Variants in FRAS1 observed in about 807,000 individuals in gnomAD.
The protein encoded by FRAS1 is extracellular matrix organizing protein FRAS1.
A neutral mutation model predicts 435.2 loss-of-function variants in FRAS1; 290 were observed. The ratio of observed to expected loss-of-function variants is 0.67; its 90% CI spans 0.61 to 0.73. The LOEUF is 0.73. FRAS1 is among the 30% of genes least tolerant of loss of function. The pLI is 0.00. For missense variants in FRAS1, 4,860 were observed against 5,001.5 expected (o/e 0.97, Z 0.85); for synonymous variants, 1,800 against 1,851.0 (o/e 0.97, Z 0.71).
At chr4:78,357,788 A>G (rs1730917312) in intron 20 of FRAS1, among the ~76,000 whole-genome samples, 1 of 152,204 alleles carries the variant, frequency 6.6e-6, no homozygotes. Context: ...CTATAGGTCC[A>G]GCTACTCAAG....
Position 78,507,531 on chromosome 4 carries a change from G to A in FRAS1, c.9427G>A (p.Gly3143Arg), listed in dbSNP as rs1448496261. 2 of 1,612,252 alleles carry A rather than the reference G, an allele frequency of 1.2e-6. No homozygotes were observed. The highest frequency in any genetic ancestry group is 3.3e-5 in the Admixed American group (2 of 59,740). ...AGATGACCCAGTGGAAGCAGTTCTT[G>A]GGGATGTGACTACTGCCACGGTGAC... is the stretch of plus-strand genomic sequence containing the variant. Reference protein sequence around the residue: ...GPDDPVEAVLGDVTTATVTIL... With the variant: ...GPDDPVEAVLRDVTTATVTIL... The change falls in exon 62 of 74, where the codon GGG becomes AGG. Residue 3143 changes from glycine (G) to arginine (R), a missense_variant. By Grantham distance (125) the Gly-to-Arg change is moderately radical (BLOSUM62 -2). Coordinates refer to ENST00000512123, the MANE Select transcript of FRAS1 (RefSeq NM_025074.7).
chr4:78,446,713 T>G lies in FRAS1; in HGVS notation c.5857-14T>G, dbSNP rs1718842261. On this transcript the variant is annotated splice_polypyrimidine_tract_variant and intron_variant, in intron 42 of 73. Coordinates refer to ENST00000512123, the MANE Select transcript of FRAS1 (RefSeq NM_025074.7). ...AATATCTGTGTGAGATCTAATAGTTTATGCTTTAATCAGAGGAAGAACGAT... is the reference window on the plus strand; with the variant it reads ...AATATCTGTGTGAGATCTAATAGTTGATGCTTTAATCAGAGGAAGAACGAT... The G allele has an allele frequency of 6.2e-7, 1 of 1,609,508 alleles. No homozygotes were observed. Among genetic ancestry groups the G allele is most frequent in the Admixed American group, 1.7e-5 (1 of 58,964 alleles).
intron 2 of FRAS1, among the ~76,000 whole-genome samples, chr4:78,121,651 C>A (rs1213742623): frequency 1.3e-5 from 2 of 152,206 alleles, no homozygotes; most frequent in African/African-American, 2.4e-5. Flanking sequence ...TGCTACTCTT[C>A]AGATGTATTA....
chr4:78,306,957 C>T (rs904042140), intron 14 of FRAS1, among the ~76,000 whole-genome samples: 1 of 152,206 alleles, frequency 6.6e-6, no homozygotes, highest in African/African-American at 2.4e-5. Flanking sequence ...TTTAGAGTTT[C>T]CAGTTTTTCT....
intron 2 of FRAS1, among the ~76,000 whole-genome samples, chr4:78,236,741 A>G (rs1208527909): frequency 1.3e-5 from 2 of 152,192 alleles, no homozygotes; most frequent in Non-Finnish European, 2.9e-5. Context: ...AGAAATAGGG[A>G]AGGAATTTCT....
chr4:78,066,864 T>G (rs1245700832), intron 2 of FRAS1, among the ~76,000 whole-genome samples: 1 of 152,184 alleles, frequency 6.6e-6, no homozygotes, highest in Non-Finnish European at 1.5e-5. Context: ...TATCTTAGAG[T>G]CTAGATAACT....
intron 23 of FRAS1, 54 bp from the exon 24 acceptor site, chr4:78,372,664 T>G: frequency 1.9e-6 from 3 of 1,602,332 alleles, no homozygotes; most frequent in Non-Finnish European, 2.6e-6. Flanking sequence ...AATGAACTGC[T>G]GGGTCTGAGG....
At position 78,439,068 on chromosome 4, in the gene FRAS1, A is replaced by G; in HGVS notation, c.5529+4A>G. ...TGCTTTTGCTGACCTTATCACGGTA[A>G]ACAATTCTCAGATCAATAAACAGTG... is the stretch of plus-strand genomic sequence containing the variant. On this transcript the variant is annotated splice_donor_region_variant and intron_variant, in intron 40 of 73. Coordinates refer to ENST00000512123, the MANE Select transcript of FRAS1 (RefSeq NM_025074.7). 1 of 1,610,562 alleles carries G rather than the reference A, an allele frequency of 6.2e-7. No individual in the cohort carries two copies. Among genetic ancestry groups the G allele is most frequent in the Non-Finnish European group, 8.5e-7 (1 of 1,177,756 alleles).
At chr4:78,265,695 C>T (rs563005539) in intron 7 of FRAS1, among the ~76,000 whole-genome samples, 13 of 152,324 alleles carry the variant, frequency 8.5e-5, no homozygotes, top group African/African-American at 2.9e-4. Flanking sequence ...AGTGAATGTT[C>T]TGTCTTGGGA....
intron 20 of FRAS1, among the ~76,000 whole-genome samples, chr4:78,355,265 G>A (rs441064): frequency 0.073 from 10,087 of 138,610 alleles, 622 homozygotes; most frequent in African/African-American, 0.17. Flanking sequence ...TTAGCAAGGA[G>A]GTACATATAC....
chr4:78,089,104 A>C (rs1741364384), intron 2 of FRAS1, among the ~76,000 whole-genome samples: 1 of 152,142 alleles, frequency 6.6e-6, no homozygotes, highest in African/African-American at 2.4e-5. Flanking sequence ...CAGCCATAAA[A>C]AATGATGAGT....
At chr4:78,408,882 G>A (rs572370794) in intron 31 of FRAS1, among the ~76,000 whole-genome samples, 17 of 152,064 alleles carry the variant, frequency 1.1e-4, no homozygotes, top group Admixed American at 7.9e-4. Flanking sequence ...TCAACACCTC[G>A]GGAGGCCAAG....
At chr4:78,536,594 T>C (rs1465438862) in intron 71 of FRAS1, among the ~76,000 whole-genome samples, 2 of 152,198 alleles carry the variant, frequency 1.3e-5, no homozygotes, top group Non-Finnish European at 2.9e-5. Context: ...ATGAGAGGAC[T>C]TGGTACAGTA....
intron 3 of FRAS1, among the ~76,000 whole-genome samples, chr4:78,240,244 C>T (rs567432120): frequency 3.3e-5 from 5 of 152,216 alleles, no homozygotes; most frequent in African/African-American, 1.2e-4. Context: ...AAAAGTATCT[C>T]TGGTTTTTCA....
At position 78,077,104 on chromosome 4, in the gene FRAS1, C is replaced by G. The variant is rs535094737; in HGVS notation, c.108+11088C>G. Among the ~76,000 whole-genome samples the G allele has an allele frequency of 4.6e-4, 70 of 152,266 alleles. 1 individual carries two copies. The highest frequency in any genetic ancestry group is 3.4e-3 in the Middle Eastern group (1 of 294). ...TGGTGCCTCACACCTATAATGCCAG[C>G]ATTTTGGAAGGATGAGGCAGGAGGA... On this transcript the variant is annotated intron_variant, in intron 2 of 73. Coordinates refer to ENST00000512123, the MANE Select transcript of FRAS1 (RefSeq NM_025074.7).
intron 70 of FRAS1, among the ~76,000 whole-genome samples, chr4:78,530,659 C>T (rs1454081931): frequency 3.9e-5 from 6 of 152,036 alleles, no homozygotes; most frequent in African/African-American, 1.2e-4. Context: ...AGATGTGTGG[C>T]GTGATTACTG....
At chr4:78,374,782 A>C (rs1298355925) in intron 25 of FRAS1, among the ~76,000 whole-genome samples, 1 of 152,142 alleles carries the variant, frequency 6.6e-6, no homozygotes, top group East Asian at 1.9e-4. Flanking sequence ...ATCTATCAAA[A>C]CTTGGTTCGT....
chr4:78,534,091 G>T (rs1031627225), intron 70 of FRAS1, among the ~76,000 whole-genome samples: 1 of 152,148 alleles, frequency 6.6e-6, no homozygotes, highest in Admixed American at 6.5e-5. Flanking sequence ...AAGAGTCAAA[G>T]CCTCAGAGCA....
chr4:78,146,068 A>G (rs1455860306), intron 2 of FRAS1, among the ~76,000 whole-genome samples: 2 of 152,186 alleles, frequency 1.3e-5, no homozygotes, highest in Non-Finnish European at 2.9e-5. Context: ...TTATGGCAGC[A>G]TGAGAATGGA....
Sources: gnomAD v4.1 joint callset for allele counts (sites outside exome capture counted in the v4.1 genomes callset) on GRCh38, gnomAD v4.1.1 for gene constraint, MANE v1.5 for transcripts, NCBI Gene and HGNC (gene_info 2026-07-23, HGNC 2026-07-21) for gene names.